The following CGNL1 variants were observed in gnomAD, a reference collection of about 807,000 sequenced individuals.
CGNL1 encodes the protein cingulin-like protein 1.
In CGNL1, 132 loss-of-function variants were observed where a neutral mutation model predicts 141.2. That is an observed-to-expected ratio of 0.93 (90% CI 0.81 to 1.08). The LOEUF (loss-of-function observed/expected upper bound fraction) is 1.08, where lower values mean the gene tolerates loss of function less well. Among genes scored for constraint, CGNL1 ranks in the 50% least tolerant of loss-of-function variants. CGNL1 has a pLI of 0.00. For synonymous variants in CGNL1, 690 were observed against 622.1 expected, an observed-to-expected ratio of 1.11 and a Z score of -1.63; for missense variants, 1,870 against 1,588.6, an observed-to-expected ratio of 1.18 and a Z score of -3.01.
intron 1 of CGNL1, among the ~76,000 whole-genome samples, chr15:57,396,265 CT>C (rs2062600767): frequency 7.1e-6 from 1 of 141,132 alleles, no homozygotes; most frequent in Non-Finnish European, 1.5e-5. Context: ...GTGCTACTTA[CT>C]TTCTTTCTTT....
chr15:57,469,009 T>TAG (rs2063546708), intron 8 of CGNL1, among the ~76,000 whole-genome samples: 1 of 152,198 alleles, frequency 6.6e-6, no homozygotes, highest in South Asian at 2.1e-4. Context: ...TTAAACCCCT[T>TAG]TCTTTTGTAA....
At chr15:57,429,361 T>A (rs1464220492) in intron 1 of CGNL1, among the ~76,000 whole-genome samples, 1 of 152,208 alleles carries the variant, frequency 6.6e-6, no homozygotes, top group African/African-American at 2.4e-5. Context: ...TTATTTTGTG[T>A]CTGCACTAAC....
At chr15:57,434,551 T>G (rs34904253) in intron 1 of CGNL1, among the ~76,000 whole-genome samples, 36,922 of 152,066 alleles carry the variant, frequency 0.24, 4,531 homozygotes, top group Middle Eastern at 0.31. Context: ...GAGTCCACTT[T>G]CCCCAATTTT....
chr15:57,430,432 A>G (rs2152295176), intron 1 of CGNL1, among the ~76,000 whole-genome samples: 1 of 152,314 alleles, frequency 6.6e-6, no homozygotes, highest in African/African-American at 2.4e-5. Context: ...TGAATTCTGT[A>G]TTTTTTTCAG....
At chr15:57,413,838 G>A (rs1312562925) in intron 1 of CGNL1, among the ~76,000 whole-genome samples, 3 of 152,166 alleles carry the variant, frequency 2.0e-5, no homozygotes, top group Admixed American at 6.5e-5. Flanking sequence ...CAGGGCAACT[G>A]CTTGGCCTTT....
At chr15:57,511,694 T>G (rs909482287) in intron 8 of CGNL1, among the ~76,000 whole-genome samples, 6 of 152,208 alleles carry the variant, frequency 3.9e-5, no homozygotes, top group African/African-American at 1.4e-4. Flanking sequence ...TTAGTGATGA[T>G]CCAATCTTGA....
chr15:57,413,963 T>C (rs572801049), intron 1 of CGNL1, among the ~76,000 whole-genome samples: 3 of 152,352 alleles, frequency 2.0e-5, no homozygotes, highest in South Asian at 4.1e-4. Flanking sequence ...CCCGGGGCTA[T>C]GGATCTCATG....
Position 57,474,131 on chromosome 15 carries a change from G to A in CGNL1, c.2403+12239G>A, listed in dbSNP as rs2934443. 5.9e-3 allele frequency among the ~76,000 whole-genome samples: 895 copies of A among 151,816 alleles called. 9 individuals are homozygous for A. The highest frequency in any genetic ancestry group is 0.021 in the African/African-American group (856 of 41,364). ...TCACCATATTGGCCAGGCTGGTCTC[G>A]AACTCTTAACCTCAGGTGATTCACC... On this transcript the variant is annotated intron_variant, in intron 8 of 18. Transcript: ENST00000281282.
intron 18 of CGNL1, among the ~76,000 whole-genome samples, chr15:57,546,928 C>G (rs1433080026): frequency 6.6e-6 from 1 of 152,132 alleles, no homozygotes. Flanking sequence ...CAGGGCCTAT[C>G]AGGTCACTGG....
intron 8 of CGNL1, among the ~76,000 whole-genome samples, chr15:57,495,340 G>A (rs2063922451): frequency 6.6e-6 from 1 of 152,274 alleles, no homozygotes; most frequent in African/African-American, 2.4e-5. Flanking sequence ...GTAAGATGCA[G>A]TGACTCTGGA....
intron 1 of CGNL1, among the ~76,000 whole-genome samples, chr15:57,421,233 C>G (rs1398716948): frequency 6.6e-6 from 1 of 152,196 alleles, no homozygotes; most frequent in South Asian, 2.1e-4. Flanking sequence ...TGGTCTTGGA[C>G]TTCTTACCTC....
chr15:57,506,934 C>T (rs1444229003), intron 8 of CGNL1, among the ~76,000 whole-genome samples: 1 of 152,296 alleles, frequency 6.6e-6, no homozygotes, highest in East Asian at 1.9e-4. Context: ...ATTAAGATAA[C>T]ATTCATATAA....
chr15:57,395,339 T>C (rs1453520596), intron 1 of CGNL1, among the ~76,000 whole-genome samples: 1 of 152,244 alleles, frequency 6.6e-6, no homozygotes, highest in East Asian at 1.9e-4. Flanking sequence ...ATCTTCTTAC[T>C]TCTGCAAAAA....
intron 8 of CGNL1, among the ~76,000 whole-genome samples, chr15:57,487,372 A>AT (rs397750397): frequency 6.6e-6 from 1 of 151,628 alleles, no homozygotes; most frequent in Non-Finnish European, 1.5e-5. Flanking sequence ...GAGTCAAAAA[A>AT]AGGTAAAAGA....
At chr15:57,422,827 A>C (rs1367515375) in intron 1 of CGNL1, among the ~76,000 whole-genome samples, 1 of 152,200 alleles carries the variant, frequency 6.6e-6, no homozygotes, top group East Asian at 1.9e-4. Flanking sequence ...GTGGTGATGG[A>C]CATGGAAATA....
intron 1 of CGNL1, among the ~76,000 whole-genome samples, chr15:57,393,713 C>G (rs1235549315): frequency 3.3e-5 from 5 of 152,192 alleles, no homozygotes; most frequent in Non-Finnish European, 5.9e-5. Context: ...AAGTATTACT[C>G]TAAAGACCAA....
intron 1 of CGNL1, among the ~76,000 whole-genome samples, chr15:57,405,811 C>T (rs58327175): frequency 0.33 from 15,709 of 47,006 alleles, 940 homozygotes; most frequent in East Asian, 0.45. Context: ...TCTTTCTTTC[C>T]TTCTTTCTTT....
rs139435088 is a variant in CGNL1, at chr15:57,423,829, G to A, written c.-15-14156G>A. 1.6e-3 allele frequency among the ~76,000 whole-genome samples: 245 copies of A among 152,326 alleles called. 2 individuals are homozygous for A. Among genetic ancestry groups the A allele is most frequent in the African/African-American group, 5.6e-3 (232 of 41,566 alleles). Reference sequence around the variant, plus strand: ...CCTCATTCTGAATGTGGGAAAAGCAGATGATGATTCATTGGATCTCGGGTG... The same window carrying A: ...CCTCATTCTGAATGTGGGAAAAGCAAATGATGATTCATTGGATCTCGGGTG... On this transcript the variant is annotated intron_variant, in intron 1 of 18. Coordinates refer to ENST00000281282, the MANE Select transcript of CGNL1 (RefSeq NM_032866.5).
rs148444855 is a variant in CGNL1, at chr15:57,538,459, A to T, written c.3292-5237A>T. Among the ~76,000 whole-genome samples the T allele has an allele frequency of 1.7e-3, 253 of 150,070 alleles. 1 individual carries two copies. Among genetic ancestry groups the T allele is most frequent in the African/African-American group, 5.6e-3 (232 of 41,508 alleles). On this transcript the variant is annotated intron_variant, in intron 14 of 18. Transcript: ENST00000281282. Reference sequence around the variant, plus strand: ...TTTAAGGGGCTATGGTGGGGGATAAATAATTCCTTTTTTTGCCCCCCTTTG... The same window carrying T: ...TTTAAGGGGCTATGGTGGGGGATAATTAATTCCTTTTTTTGCCCCCCTTTG...
Sources: allele counts gnomAD v4.1 joint callset (sites outside exome capture counted in the v4.1 genomes callset), GRCh38; gene constraint gnomAD v4.1.1; transcripts MANE v1.5; gene names NCBI Gene and HGNC (gene_info 2026-07-23, HGNC 2026-07-21).